PRKCH: variants seen among roughly 807,000 people sequenced by gnomAD.
PRKCH encodes the protein protein kinase C eta type.
A neutral mutation model predicts 82.5 loss-of-function variants in PRKCH; 28 were observed. The ratio of observed to expected loss-of-function variants is 0.34; its 90% CI spans 0.25 to 0.47. The LOEUF (loss-of-function observed/expected upper bound fraction) is 0.47. Ranked by LOEUF, PRKCH falls within the 20% of genes least tolerant of loss-of-function variation. The pLI, the probability that PRKCH is intolerant of heterozygous loss-of-function variation, is 1.00. For missense variants in PRKCH, 705 were observed against 881.8 expected, an observed-to-expected ratio of 0.80 and a Z score of 2.54; for synonymous variants, 322 against 327.4, an observed-to-expected ratio of 0.98 and a Z score of 0.18.
At chr14:61,309,714 A>G (rs1365521618) in intron 1 of PRKCH, among the ~76,000 whole-genome samples, 1 of 152,242 alleles carries the variant, frequency 6.6e-6, no homozygotes, top group Non-Finnish European at 1.5e-5. Context: ...CCAAAAGGTC[A>G]TGAATGGAAG....
chr14:61,535,396 AG>A (rs1210420306), intron 12 of PRKCH, among the ~76,000 whole-genome samples: 1 of 152,254 alleles, frequency 6.6e-6, no homozygotes, highest in African/African-American at 2.4e-5. Flanking sequence ...TTTATTTAAC[AG>A]GCAGATCTAA....
At chr14:61,324,626 G>A (rs1226290069) in intron 1 of PRKCH, among the ~76,000 whole-genome samples, 1 of 151,906 alleles carries the variant, frequency 6.6e-6, no homozygotes, top group East Asian at 1.9e-4. Context: ...GTTCAAAAAT[G>A]CTTTAAAAAA....
intron 1 of PRKCH, among the ~76,000 whole-genome samples, chr14:61,381,677 T>C (rs553874285): frequency 6.6e-6 from 1 of 152,322 alleles, no homozygotes; most frequent in East Asian, 1.9e-4. Context: ...CGGGCCCTCA[T>C]TGAGAACCAT....
At chr14:61,235,434 GT>G (rs1188296726) in intron 1 of PRKCH, among the ~76,000 whole-genome samples, 1 of 152,220 alleles carries the variant, frequency 6.6e-6, no homozygotes, top group Non-Finnish European at 1.5e-5. Context: ...GCCCTAGTCT[GT>G]GTTTCATTTA....
At chr14:61,395,475 A>G (rs1388300448) in intron 2 of PRKCH, among the ~76,000 whole-genome samples, 1 of 152,100 alleles carries the variant, frequency 6.6e-6, no homozygotes, top group Non-Finnish European at 1.5e-5. Context: ...CCTTCATGGA[A>G]AAGCAGTGTA....
chr14:61,538,081 G>C (rs1021203425), intron 12 of PRKCH, among the ~76,000 whole-genome samples: 2 of 152,234 alleles, frequency 1.3e-5, no homozygotes, highest in African/African-American at 4.8e-5. Context: ...CAGCAAAGGT[G>C]GTCAGCCAGG....
At chr14:61,482,716 G>T (rs1292190607) in intron 9 of PRKCH, among the ~76,000 whole-genome samples, 1 of 152,142 alleles carries the variant, frequency 6.6e-6, no homozygotes, top group Non-Finnish European at 1.5e-5. Flanking sequence ...CATCTTTCTG[G>T]AATTCTAAAG....
intron 1 of PRKCH, among the ~76,000 whole-genome samples, chr14:61,223,866 A>C (rs17098138): frequency 0.015 from 2,234 of 152,308 alleles, 65 homozygotes; most frequent in African/African-American, 0.051. Flanking sequence ...TTCATTTGCA[A>C]CTGGCAACCT....
At position 61,303,420 on chromosome 14, in the gene PRKCH, C is replaced by T. The variant is rs376944555; in HGVS notation, c.-19+115752C>T. 1.6e-4 allele frequency: 25 copies of T among 152,096 alleles called. 2 individuals carry two copies. The highest frequency in any genetic ancestry group is 1.6e-3 in the Admixed American group (25 of 15,266). The allele number at this position is 152,096 out of a possible 1,614,324, so 9.4% of individuals were successfully genotyped here. A position where few individuals can be genotyped will look rare whatever the true frequency, so the allele number is the denominator to read the frequency against. On this transcript the variant is annotated intron_variant, in intron 1 of 3. Coordinates refer to the PRKCH transcript ENST00000555185. ...TTTTATGTCTTCATGATGAAATGAC[C>T]ATTTTTCATTAAGGAATGTCACTCT...
upstream of PRKCH, among the ~76,000 whole-genome samples, chr14:61,318,084 C>CT (rs1233370047): frequency 1.3e-5 from 2 of 151,164 alleles, no homozygotes; most frequent in South Asian, 2.1e-4. Flanking sequence ...ATGTTTCTTT[C>CT]TTTTTTTGAG....
At chr14:61,463,692 C>T (rs1885128763) in intron 9 of PRKCH, among the ~76,000 whole-genome samples, 1 of 151,874 alleles carries the variant, frequency 6.6e-6, no homozygotes, top group African/African-American at 2.4e-5. Flanking sequence ...GTTTAATTTT[C>T]AGTGCTTTGT....
At chr14:61,197,352 TTC>T (rs1477574124) in intron 1 of PRKCH, among the ~76,000 whole-genome samples, 5 of 152,242 alleles carry the variant, frequency 3.3e-5, no homozygotes, top group African/African-American at 1.2e-4. Context: ...TTATGTTTTA[TTC>T]TTTTTTCTTA....
At chr14:61,514,030 T>C (rs1738340108) in intron 10 of PRKCH, among the ~76,000 whole-genome samples, 1 of 152,084 alleles carries the variant, frequency 6.6e-6, no homozygotes, top group Admixed American at 6.5e-5. Flanking sequence ...GTCCTTTGAC[T>C]AACTCACCTG....
intron 2 of PRKCH, among the ~76,000 whole-genome samples, chr14:61,407,013 TG>T (rs1479921371): frequency 6.6e-6 from 1 of 152,076 alleles, no homozygotes; most frequent in Non-Finnish European, 1.5e-5. Context: ...GATCCGGGGC[TG>T]ATTTTTGTGG....
intron 12 of PRKCH, among the ~76,000 whole-genome samples, chr14:61,533,638 T>C (rs1242484504): frequency 6.6e-6 from 1 of 152,214 alleles, no homozygotes; most frequent in Non-Finnish European, 1.5e-5. Context: ...TGCCTTAGTT[T>C]CCTCTCCATT....
rs56280986 is a variant in PRKCH at position 61,263,847 on chromosome 14, T to TTGTGTGTGTG, written c.-19+76219_-19+76228dup. Among the ~76,000 whole-genome samples, 950 of 144,216 alleles carry TTGTGTGTGTG rather than the reference T, an allele frequency of 6.6e-3. 7 individuals carry two copies. The highest frequency in any genetic ancestry group is 9.7e-3 in the Non-Finnish European group (646 of 66,406). 94.6% of individuals were successfully genotyped at this position (144,216 alleles called of 152,430 possible). On this transcript the variant is annotated intron_variant, in intron 1 of 3. Transcript: ENST00000555185. ...AGGAAAAGCATCTGAAGTCAGAGTA[T>TTGTGTGTGTG]TGTGTGTGTGTGTGTGTGTGTGTGT...
At chr14:61,480,734 G>T (rs184172759) in intron 9 of PRKCH, among the ~76,000 whole-genome samples, 35 of 152,288 alleles carry the variant, frequency 2.3e-4, no homozygotes, top group Middle Eastern at 6.8e-3. Context: ...ATTTGTGGGT[G>T]ACCTGTGAAA....
chr14:61,337,310 A>G (rs577306010), intron 1 of PRKCH, among the ~76,000 whole-genome samples: 14 of 152,010 alleles, frequency 9.2e-5, no homozygotes, highest in African/African-American at 2.4e-4. Flanking sequence ...AGCTCAGCTA[A>G]TTTTTTAATG....
At position 61,485,172 on chromosome 14, in the gene PRKCH, G is replaced by A. The variant is rs564300895; in HGVS notation, c.1279-330G>A. Among the ~76,000 whole-genome samples, 12 of 152,182 alleles carry A rather than the reference G, an allele frequency of 7.9e-5. No homozygotes were observed. In the East Asian group the frequency reaches 1.9e-3, roughly 24 times the overall value. On this transcript the variant is annotated intron_variant, in intron 9 of 13. Transcript: ENST00000332981. ...TCCAGATTAAAGGCATTTACCTTTCGATTTACATTCTCTCTCCAGGTACAT... is the reference window on the plus strand; with the variant it reads ...TCCAGATTAAAGGCATTTACCTTTCAATTTACATTCTCTCTCCAGGTACAT...
Sources: gnomAD v4.1 joint callset for allele counts (sites outside exome capture counted in the v4.1 genomes callset) on GRCh38, gnomAD v4.1.1 for gene constraint, MANE v1.5 for transcripts, NCBI Gene and HGNC (gene_info 2026-07-23, HGNC 2026-07-21) for gene names.